Variants in TGFBR3 observed in about 807,000 individuals in gnomAD.
TGFBR3 encodes transforming growth factor beta receptor type 3.
TGFBR3 carries 46 observed loss-of-function variants against 87.9 expected under a neutral mutation model. The observed-to-expected ratio is 0.52, with a 90% CI of 0.41 to 0.67. The LOEUF (loss-of-function observed/expected upper bound fraction) is 0.67, where lower values mean the gene tolerates loss of function less well. TGFBR3 is among the 30% of genes least tolerant of loss of function. The probability of loss-of-function intolerance (pLI) is 0.00; values close to 1 mark genes in which losing one functional copy is unlikely to be tolerated. For missense variants in TGFBR3, 866 were observed against 1,041.9 expected (o/e 0.83, Z 2.32); for synonymous variants, 381 against 391.6 (o/e 0.97, Z 0.32).
chr1:91,790,710 T>G (rs1035809855), intron 3 of TGFBR3, among the ~76,000 whole-genome samples: 1 of 152,104 alleles, frequency 6.6e-6, no homozygotes, highest in Non-Finnish European at 1.5e-5. Flanking sequence ...TAGCCCTGGG[T>G]TTTTTGTTTT....
chr1:91,895,190 T>C (rs957767314), intron 2 of TGFBR3, among the ~76,000 whole-genome samples: 3 of 152,162 alleles, frequency 2.0e-5, no homozygotes, highest in African/African-American at 7.2e-5. Context: ...TGGGAGGTGA[T>C]TGGATCATGA....
At chr1:91,903,698 A>C (rs1679783339) in intron 1 of TGFBR3, among the ~76,000 whole-genome samples, 1 of 152,102 alleles carries the variant, frequency 6.6e-6, no homozygotes, top group Non-Finnish European at 1.5e-5. Context: ...TCTAAAAAAA[A>C]GAGTTTTGAA....
At chr1:91,759,576 A>C (rs576876899) in intron 3 of TGFBR3, among the ~76,000 whole-genome samples, 165 of 152,336 alleles carry the variant, frequency 1.1e-3, no homozygotes, top group Middle Eastern at 6.8e-3. Flanking sequence ...AGCCCAGGGC[A>C]ACATGAACAT....
chr1:91,845,447 T>C (rs957388695), intron 2 of TGFBR3, among the ~76,000 whole-genome samples: 4 of 152,214 alleles, frequency 2.6e-5, no homozygotes, highest in Non-Finnish European at 4.4e-5. Context: ...GTCTGAAATA[T>C]CCTTCTATAC....
chr1:91,742,743 A>T (rs1014871343), intron 4 of TGFBR3, among the ~76,000 whole-genome samples: 4 of 152,202 alleles, frequency 2.6e-5, no homozygotes, highest in African/African-American at 9.6e-5. Flanking sequence ...AGCACTTTAC[A>T]GTCAAACAAA....
At chr1:91,735,121 C>T (rs1312548269) in intron 4 of TGFBR3, among the ~76,000 whole-genome samples, 162 bp from the exon 5 acceptor site, 1 of 152,232 alleles carries the variant, frequency 6.6e-6, no homozygotes, top group Non-Finnish European at 1.5e-5. Context: ...GGAATAATCC[C>T]AAGCCTAGTC....
chr1:91,740,269 G>C (rs1402761247), intron 4 of TGFBR3, among the ~76,000 whole-genome samples: 1 of 151,758 alleles, frequency 6.6e-6, no homozygotes, highest in Non-Finnish European at 1.5e-5. Flanking sequence ...ATGTTGGCAA[G>C]GCTGGTCTCA....
chr1:91,730,022 CCA>C, intron 5 of TGFBR3, 49 bp from the exon 6 acceptor site: 2 of 1,607,430 alleles, frequency 1.2e-6, no homozygotes, highest in Non-Finnish European at 1.7e-6. Flanking sequence ...TACTCGGTAA[CCA>C]GATTCAAAGG....
In TGFBR3 at chr1:91,768,325, A is replaced by G. The variant is rs77105144; in HGVS notation, c.247-9575T>C. Among the ~76,000 whole-genome samples the G allele has an allele frequency of 2.4e-3, 371 of 152,282 alleles. 2 individuals are homozygous for G. The highest frequency in any genetic ancestry group is 8.4e-3 in the African/African-American group (350 of 41,564). Reference sequence around the variant, plus strand: ...CTGCTGCCTTGTATTAACTTTGTACATATAAACTATCTCAGAGCATGGGGT... The same window carrying G: ...CTGCTGCCTTGTATTAACTTTGTACGTATAAACTATCTCAGAGCATGGGGT... On this transcript the variant is annotated intron_variant, in intron 3 of 16. Coordinates refer to ENST00000212355, the MANE Select transcript of TGFBR3 (RefSeq NM_003243.5).
At chr1:91,882,547 T>C (rs1679133942) in intron 1 of TGFBR3, among the ~76,000 whole-genome samples, 3 of 151,812 alleles carry the variant, frequency 2.0e-5, no homozygotes, top group Non-Finnish European at 4.4e-5. Context: ...GATCGAGACC[T>C]TCCTGGCTAA....
chr1:91,685,084 G>A (rs1424037957), intron 16 of TGFBR3, among the ~76,000 whole-genome samples: 3 of 152,164 alleles, frequency 2.0e-5, no homozygotes, highest in Non-Finnish European at 4.4e-5. Flanking sequence ...GAAAAAAGCA[G>A]TTCTGCAAAA....
intron 9 of TGFBR3, among the ~76,000 whole-genome samples, 195 bp downstream of exon 9, chr1:91,719,698 A>C (rs1672293121): frequency 6.6e-6 from 1 of 150,440 alleles, no homozygotes; most frequent in Non-Finnish European, 1.5e-5. Context: ...TGGAACCCCC[A>C]CCCCCTGTCA....
chr1:91,742,457 C>A (rs1384335201), intron 4 of TGFBR3, among the ~76,000 whole-genome samples: 1 of 152,194 alleles, frequency 6.6e-6, no homozygotes. Flanking sequence ...AAACTCATTG[C>A]TTCCCTTACT....
chr1:91,682,097 T>G lies in TGFBR3; in HGVS notation c.*1642A>C. 2.2e-6 allele frequency: 1 copy of G among 454,098 alleles called. No individual in the cohort carries two copies. Among genetic ancestry groups the G allele is most frequent in the Non-Finnish European group, 4.4e-6 (1 of 226,766 alleles). 28.1% of individuals were successfully genotyped at this position (454,098 alleles called of 1,614,324 possible). A position where few individuals can be genotyped will look rare whatever the true frequency, so the allele number is the denominator to read the frequency against. Reference sequence around the variant, plus strand: ...GTGTATATCTATCAGGTAAGTCATATTATTACTCAACGATTTGGTAAAAAT... The same window carrying G: ...GTGTATATCTATCAGGTAAGTCATAGTATTACTCAACGATTTGGTAAAAAT... On this transcript the variant is annotated 3_prime_UTR_variant, in exon 17 of 17. Coordinates refer to ENST00000212355, the MANE Select transcript of TGFBR3 (RefSeq NM_003243.5).
chr1:91,694,932 T>C (rs560057080), intron 16 of TGFBR3, among the ~76,000 whole-genome samples: 3 of 152,256 alleles, frequency 2.0e-5, no homozygotes, highest in Admixed American at 6.5e-5. Context: ...GACAATCCAT[T>C]TGTTCTTTCT....
chr1:91,726,443 G>A (rs578260268), intron 7 of TGFBR3, among the ~76,000 whole-genome samples: 1 of 151,404 alleles, frequency 6.6e-6, no homozygotes, highest in East Asian at 1.9e-4. Context: ...TCTGACTTCA[G>A]ATCATGGCTA....
chr1:91,806,708 T>C (rs1365087423), intron 2 of TGFBR3, among the ~76,000 whole-genome samples: 2 of 152,188 alleles, frequency 1.3e-5, no homozygotes, highest in Non-Finnish European at 1.5e-5. Flanking sequence ...GGTAACATTA[T>C]AGGCTGGGAC....
chr1:91,900,817 C>T (rs1205151953), intron 1 of TGFBR3, among the ~76,000 whole-genome samples: 1 of 152,188 alleles, frequency 6.6e-6, no homozygotes, highest in African/African-American at 2.4e-5. Context: ...GTGATTGCCC[C>T]ACTCTCTGGA....
At chr1:91,702,048 A>G (rs960688639) in intron 14 of TGFBR3, among the ~76,000 whole-genome samples, 1 of 152,174 alleles carries the variant, frequency 6.6e-6, no homozygotes. Flanking sequence ...AATGGTTACA[A>G]CTGGGCTGGT....
Sources: allele counts gnomAD v4.1 joint callset (sites outside exome capture counted in the v4.1 genomes callset), GRCh38; gene constraint gnomAD v4.1.1; transcripts MANE v1.5; gene names NCBI Gene and HGNC (gene_info 2026-07-23, HGNC 2026-07-21).